The following HECTD4 variants were observed in gnomAD, a reference collection of about 807,000 sequenced individuals.
The protein encoded by HECTD4 is probable E3 ubiquitin-protein ligase HECTD4.
In HECTD4, 114 loss-of-function variants were observed where a neutral mutation model predicts 471.5. The ratio of observed to expected loss-of-function variants is 0.24; its 90% CI spans 0.21 to 0.28. The LOEUF (loss-of-function observed/expected upper bound fraction) is 0.28. Ranked by LOEUF, HECTD4 falls within the 10% of genes least tolerant of loss-of-function variation. The pLI is 1.00. For synonymous variants in HECTD4, 2,012 were observed against 2,256.0 expected (o/e 0.89, Z 3.07); for missense variants, 3,866 against 5,651.5 (o/e 0.68, Z 10.13).
chr12:112,184,283 C>G lies in HECTD4; in HGVS notation c.10683G>C (p.Thr3561=). The G allele has an allele frequency of 1.2e-6, 2 of 1,613,500 alleles. No individual in the cohort carries two copies. Among genetic ancestry groups the G allele is most frequent in the East Asian group, 4.5e-5 (2 of 44,870 alleles). Residue 3561 remains threonine, a synonymous_variant, in exon 61 of 76, where the codon ACG becomes ACC. Coordinates refer to ENST00000682272, the MANE Select transcript of HECTD4 (RefSeq NM_001388303.1). The surrounding 1 kb of genome is among the most constrained non-coding windows in gnomAD (Gnocchi z 9.1). ...TGGAGCCCATGTCCGACACCGAGGC[C>G]GTCTCTGCATTGTCCAGGGGCTCCC... is the stretch of plus-strand genomic sequence containing the variant. ...SLGEPLDNAE[T]ASVSDMGSMY...
intron 1 of HECTD4, among the ~76,000 whole-genome samples, chr12:112,326,026 C>A (rs906400602): frequency 1.3e-5 from 2 of 152,064 alleles, no homozygotes; most frequent in African/African-American, 4.8e-5. Flanking sequence ...TGGGCTCAAG[C>A]AATCCTCCTG....
At chr12:112,292,873 T>G (rs1423937718) in intron 7 of HECTD4, among the ~76,000 whole-genome samples, 1 of 151,478 alleles carries the variant, frequency 6.6e-6, no homozygotes, top group Non-Finnish European at 1.5e-5. Context: ...ATACAAAAAT[T>G]TAGCCAGGGG....
Position 112,382,073 on chromosome 12 carries a change from T to C in HECTD4, c.56A>G (p.Gln19Arg). The change falls in exon 1 of 76, where the codon CAG becomes CGG. Residue 19 changes from glutamine to arginine, a missense_variant. Gln to Arg is a conservative substitution (Grantham distance 43). Around this residue, in one of 16 missense-constraint regions of HECTD4, gnomAD observed 440 missense variants for 636.0 expected, o/e 0.69. Coordinates refer to ENST00000682272, the MANE Select transcript of HECTD4 (RefSeq NM_001388303.1). The stretch of plus-strand genomic sequence containing the variant: ...GGTCTCTTCCTTCACCGAGAGCCAC[T>C]GCGCCGAGTCAGCGGCCGCCGCCGC... Reference protein sequence around the residue: ...AAAAAAADSAQWLSVKEETIF... With the variant: ...AAAAAAADSARWLSVKEETIF... The C allele has an allele frequency of 8.1e-7, 1 of 1,227,560 alleles. No homozygotes were observed. The highest frequency in any genetic ancestry group is 1.0e-6 in the Non-Finnish European group (1 of 986,342). The allele number at this position is 1,227,560 out of a possible 1,614,324, so 76.0% of individuals were successfully genotyped here.
chr12:112,227,618 T>C (rs543925951), intron 43 of HECTD4, among the ~76,000 whole-genome samples: 19 of 152,300 alleles, frequency 1.2e-4, no homozygotes, highest in East Asian at 5.8e-4. Context: ...TATGTATCAA[T>C]GTGGCCTGAA....
Position 112,194,801 on chromosome 12 carries a change from C to A in HECTD4, c.8749+84G>T. 1 of 1,263,438 alleles carries A rather than the reference C, an allele frequency of 7.9e-7. No homozygotes were observed. Among genetic ancestry groups the A allele is most frequent in the Non-Finnish European group, 1.1e-6 (1 of 901,174 alleles). 78.3% of individuals were successfully genotyped at this position (1,263,438 alleles called of 1,614,324 possible). A position where few individuals can be genotyped will look rare whatever the true frequency, so the allele number is the denominator to read the frequency against. ...TATGCGCACCATGAGGCATTTCTCG[C>A]CCTCATGCAGGGAATGACTACACTG... On this transcript the variant is annotated intron_variant, in intron 56 of 75. Coordinates refer to ENST00000682272, the MANE Select transcript of HECTD4 (RefSeq NM_001388303.1). The surrounding 1 kb of genome is among the most constrained non-coding windows in gnomAD (Gnocchi z 4.6).
chr12:112,164,214 G>A lies in HECTD4; in HGVS notation c.12596C>T (p.Thr4199Met), dbSNP rs200268404. Reference protein sequence around the residue: ...CAEIASQHLATESPDSPNKPC... With the variant: ...CAEIASQHLAMESPDSPNKPC... Reference sequence around the variant, plus strand: ...CTTGTTGGGGCTGTCAGGGCTCTCCGTGGCCAGGTGCTGGGAGGCGATCTC... The same window carrying A: ...CTTGTTGGGGCTGTCAGGGCTCTCCATGGCCAGGTGCTGGGAGGCGATCTC... Residue 4199 changes from threonine to methionine, a missense_variant, in exon 73 of 76, where the codon ACG (threonine) becomes ATG (methionine). This residue lies in a region of HECTD4 where 715 missense variants were observed against 1,087.6 expected (regional missense o/e 0.66). Coordinates refer to ENST00000682272, the MANE Select transcript of HECTD4 (RefSeq NM_001388303.1). 1.0e-4 allele frequency: 167 copies of A among 1,613,788 alleles called. No individual in the cohort carries two copies. The highest frequency in any genetic ancestry group is 6.5e-4 in the East Asian group (29 of 44,878).
chr12:112,213,724 T>A lies in HECTD4; in HGVS notation c.7466-1074A>T, dbSNP rs1439458926. Among the ~76,000 whole-genome samples, 1 of 137,194 alleles carries A rather than the reference T, an allele frequency of 7.3e-6. No homozygotes were observed. The highest frequency in any genetic ancestry group is 1.6e-5 in the Non-Finnish European group (1 of 64,188). The allele number at this position is 137,194 out of a possible 152,430, so 90.0% of individuals were successfully genotyped here. ...CATATATATATATATATATATAATATATATATAAAATTTAAGGCCAGACAT... is the reference window on the plus strand; with the variant it reads ...CATATATATATATATATATATAATAAATATATAAAATTTAAGGCCAGACAT... On this transcript the variant is annotated intron_variant, in intron 48 of 75. Transcript: ENST00000682272. The surrounding 1 kb of genome is among the most constrained non-coding windows in gnomAD (Gnocchi z 4.0).
intron 1 of HECTD4, among the ~76,000 whole-genome samples, chr12:112,379,335 G>A (rs2036846603): frequency 1.3e-5 from 2 of 152,120 alleles, no homozygotes; most frequent in African/African-American, 2.4e-5. Flanking sequence ...CAATTGTTAG[G>A]CTCTTTTGAG....
Position 112,228,722 on chromosome 12 carries a change from T to C in HECTD4, c.6609A>G (p.Ile2203Met). Residue 2203 changes from isoleucine (I) to methionine (M), a missense_variant, in exon 42 of 76, where the codon ATA becomes ATG. Around this residue, in one of 16 missense-constraint regions of HECTD4, gnomAD observed 617 missense variants for 915.1 expected, o/e 0.67. Coordinates refer to ENST00000682272, the MANE Select transcript of HECTD4 (RefSeq NM_001388303.1). The surrounding 1 kb of genome is among the most constrained non-coding windows in gnomAD (Gnocchi z 4.9). ...ACGCTTGCGAAGTCTTTCTACAGTCTATGGGTGGGAATCTGACTGTAGCTA... is the reference window on the plus strand; with the variant it reads ...ACGCTTGCGAAGTCTTTCTACAGTCCATGGGTGGGAATCTGACTGTAGCTA... ...EGIATVRFPP[I>M]DCRKTSQASD... The C allele has an allele frequency of 6.2e-7, 1 of 1,613,520 alleles. No individual in the cohort carries two copies. Among genetic ancestry groups the C allele is most frequent in the Non-Finnish European group, 8.5e-7 (1 of 1,179,556 alleles).
At chr12:112,210,285 G>T (rs768975215) in intron 49 of HECTD4, 33 bp from the exon 50 acceptor site, 5 of 1,595,278 alleles carry the variant, frequency 3.1e-6, no homozygotes, top group East Asian at 2.2e-5. Flanking sequence ...GATTTGGAAA[G>T]ACTTACGTTT....
chr12:112,219,546 G>A, intron 44 of HECTD4, 57 bp from the exon 45 acceptor site: 2 of 1,249,828 alleles, frequency 1.6e-6, no homozygotes, highest in South Asian at 1.3e-5. Flanking sequence ...CCAAGTGGGT[G>A]CTGACTCTTT....
In HECTD4 at chr12:112,208,501, A is replaced by T. The variant is rs760833624; in HGVS notation, c.7997T>A (p.Ile2666Asn). ...AGCCTGTGGGTCTCTTACCTGAGGG[A>T]TGTCATCATCGTCATCATCATCGCT... ...DESDDDDDDD[I>N]PQEDHYALLV... is the part of the protein sequence containing the mutation. The change falls in exon 51 of 76, where the codon ATC (isoleucine) becomes AAC (asparagine). Residue 2666 changes from isoleucine (I) to asparagine (N), a missense_variant. Ile to Asn is a moderately radical substitution (Grantham distance 149, BLOSUM62 -3). This residue lies in a region of HECTD4 where 266 missense variants were observed against 441.6 expected (regional missense o/e 0.60). Coordinates refer to ENST00000682272, the MANE Select transcript of HECTD4 (RefSeq NM_001388303.1). 41 of 1,591,556 alleles carry T rather than the reference A, an allele frequency of 2.6e-5. No individual in the cohort carries two copies. The highest frequency in any genetic ancestry group is 3.5e-5 in the Non-Finnish European group (41 of 1,170,958).
intron 70 of HECTD4, among the ~76,000 whole-genome samples, chr12:112,169,297 C>G (rs1302035627): frequency 6.6e-6 from 1 of 152,226 alleles, no homozygotes; most frequent in Non-Finnish European, 1.5e-5. Context: ...GTCCCCAAGC[C>G]CAGCAGGGAC....
At chr12:112,249,577 C>A (rs1255774304) in intron 25 of HECTD4, 1 of 153,956 alleles carries the variant, frequency 6.5e-6, no homozygotes. Flanking sequence ...TTCATATATT[C>A]TCTAAAGTTT....
Position 112,251,126 on chromosome 12 carries a change from C to T in HECTD4, c.3561G>A (p.Ser1187=), listed in dbSNP as rs138246589. 12 of 1,613,486 alleles carry T rather than the reference C, an allele frequency of 7.4e-6. No homozygotes were observed. Among genetic ancestry groups the T allele is most frequent in the Admixed American group, 1.7e-5 (1 of 59,952 alleles). ...AGGGCAAGCCTCCTGAGACATCCTC[C>T]GAAGACTCCTACAATGCAGACAGGG... is the stretch of plus-strand genomic sequence containing the variant. ...FACTVRAQES[S]EDVSGGLPFL... The change falls in exon 24 of 76, where the codon TCG becomes TCA. Residue 1187 remains serine, a synonymous_variant. Transcript: ENST00000682272.
At chr12:112,220,872 C>A (rs1030780448) in intron 44 of HECTD4, among the ~76,000 whole-genome samples, 2 of 151,428 alleles carry the variant, frequency 1.3e-5, no homozygotes, top group Non-Finnish European at 2.9e-5. Flanking sequence ...TCCAGCACTT[C>A]GGGAGGCTGA....
In HECTD4 at chr12:112,209,921, A is replaced by C. The variant is rs1159089162; in HGVS notation, c.7867+94T>G. The C allele has an allele frequency of 1.4e-5, 14 of 1,035,414 alleles. No individual in the cohort carries two copies. The African/African-American group carries it at 2.2e-4, about 16-fold the overall frequency. The allele number at this position is 1,035,414 out of a possible 1,614,324, so 64.1% of individuals were successfully genotyped here. A position where few individuals can be genotyped will look rare whatever the true frequency, so the allele number is the denominator to read the frequency against. Reference sequence around the variant, plus strand: ...ACGTGAGTTTGCAACTCCTGATTGTAATGAGGATGCTCAAGTGCAATGGGT... The same window carrying C: ...ACGTGAGTTTGCAACTCCTGATTGTCATGAGGATGCTCAAGTGCAATGGGT... On this transcript the variant is annotated intron_variant, in intron 50 of 75. Transcript: ENST00000682272.
chr12:112,171,026 T>C (rs1402632960), intron 68 of HECTD4, 91 bp downstream of exon 68: 1 of 1,134,162 alleles, frequency 8.8e-7, no homozygotes, highest in East Asian at 2.6e-5. Context: ...CTGGCGGGGC[T>C]GCCCAAGGAC....
intron 1 of HECTD4, among the ~76,000 whole-genome samples, chr12:112,374,036 T>A (rs1307376220): frequency 6.7e-6 from 1 of 150,188 alleles, no homozygotes; most frequent in East Asian, 2.0e-4. Flanking sequence ...AACTAGTGAT[T>A]TCTGAAGGTA....
Sources: gnomAD v4.1 joint callset for allele counts (sites outside exome capture counted in the v4.1 genomes callset) on GRCh38, gnomAD v4.1.1 for gene constraint, gnomAD v4.1.1 regional missense constraint, Gnocchi (gnomAD v3.1) non-coding constraint, MANE v1.5 for transcripts, NCBI Gene and HGNC (gene_info 2026-07-23, HGNC 2026-07-21) for gene names.